Variants in CDH13 observed in about 807,000 individuals in gnomAD.
CDH13 encodes the protein cadherin 13, also known as cadherin-13.
A neutral mutation model predicts 63.8 loss-of-function variants in CDH13; 24 were observed. That is an observed-to-expected ratio of 0.38 (90% CI 0.27 to 0.53). CDH13 has a LOEUF of 0.53. Among genes scored for constraint, CDH13 ranks in the 20% least tolerant of loss-of-function variants. The probability of loss-of-function intolerance (pLI) is 0.85; values close to 1 mark genes in which losing one functional copy is unlikely to be tolerated. For synonymous variants in CDH13, 503 were observed against 355.3 expected (o/e 1.42, Z -4.67); for missense variants, 1,049 against 903.1 (o/e 1.16, Z -2.07).
chr16:82,724,877 G>T (rs1187262352), intron 1 of CDH13, among the ~76,000 whole-genome samples: 1 of 152,152 alleles, frequency 6.6e-6, no homozygotes, highest in African/African-American at 2.4e-5. Flanking sequence ...GGATGTCCTT[G>T]GCTGGGTCAG....
At chr16:82,651,975 A>G (rs1910771553) in intron 1 of CDH13, among the ~76,000 whole-genome samples, 1 of 152,230 alleles carries the variant, frequency 6.6e-6, no homozygotes. Context: ...TCCAATCAGA[A>G]CAAGTTGGAG....
At chr16:83,048,393 G>A (rs1252090137) in intron 3 of CDH13, among the ~76,000 whole-genome samples, 1 of 152,318 alleles carries the variant, frequency 6.6e-6, no homozygotes, top group East Asian at 1.9e-4. Context: ...CTTGGTTGAT[G>A]AGGTATTCAC....
intron 10 of CDH13, among the ~76,000 whole-genome samples, chr16:83,740,979 G>T (rs538591028): frequency 5.3e-5 from 8 of 152,188 alleles, no homozygotes; most frequent in African/African-American, 9.6e-5. Context: ...AAGTCAGGCA[G>T]GTCCAGATGG....
intron 6 of CDH13, among the ~76,000 whole-genome samples, chr16:83,437,319 A>G (rs2072335779): frequency 6.6e-6 from 1 of 152,192 alleles, no homozygotes; most frequent in Non-Finnish European, 1.5e-5. Context: ...AAATGAATTA[A>G]TATCCATAAA....
intron 6 of CDH13, among the ~76,000 whole-genome samples, chr16:83,401,511 CAAAAT>C (rs1387021926): frequency 6.6e-6 from 1 of 151,906 alleles, no homozygotes; most frequent in Non-Finnish European, 1.5e-5. Context: ...GACTCCGTCT[CAAAAT>C]AAAATAAAGT....
At chr16:83,159,878 C>A (rs1436481848) in intron 4 of CDH13, among the ~76,000 whole-genome samples, 1 of 152,054 alleles carries the variant, frequency 6.6e-6, no homozygotes, top group Non-Finnish European at 1.5e-5. Context: ...AGTTCAAGAC[C>A]AGCCTGGCCA....
At chr16:83,336,412 G>A (rs754446858) in intron 5 of CDH13, among the ~76,000 whole-genome samples, 3 of 152,096 alleles carry the variant, frequency 2.0e-5, no homozygotes, top group South Asian at 2.1e-4. Flanking sequence ...CAGAGATAAC[G>A]GCAGTGGCAG....
In CDH13 at chr16:83,435,085, C is replaced by G. The variant is rs117535994; in HGVS notation, c.782-51392C>G. Among the ~76,000 whole-genome samples, 1,396 of 151,368 alleles carry G rather than the reference C, an allele frequency of 9.2e-3. 2 individuals are homozygous for G. The highest frequency in any genetic ancestry group is 0.021 in the South Asian group (103 of 4,792). ...TCGAGAGAGTTTCGCTCCTGTTTTT[C>G]TCTCAGGCTGAAGTGCAACGGCACA... On this transcript the variant is annotated intron_variant, in intron 6 of 13. Transcript: ENST00000567109.
At chr16:83,724,361 G>T (rs996077409) in intron 10 of CDH13, among the ~76,000 whole-genome samples, 2 of 151,588 alleles carry the variant, frequency 1.3e-5, no homozygotes, top group African/African-American at 2.4e-5. Flanking sequence ...TGAATGCATG[G>T]GTGGGGGATG....
chr16:83,161,583 G>A (rs2037444906), intron 4 of CDH13, among the ~76,000 whole-genome samples: 1 of 151,962 alleles, frequency 6.6e-6, no homozygotes, highest in Admixed American at 6.6e-5. Flanking sequence ...TTTATGGTCT[G>A]CCACTCATCC....
At chr16:83,661,469 C>A (rs896574643) in intron 8 of CDH13, among the ~76,000 whole-genome samples, 3 of 145,028 alleles carry the variant, frequency 2.1e-5, no homozygotes, top group South Asian at 2.2e-4. Context: ...GGTGACAGAG[C>A]GAGACCCTGT....
At chr16:83,615,434 G>C (rs747467162) in intron 8 of CDH13, among the ~76,000 whole-genome samples, 4 of 152,112 alleles carry the variant, frequency 2.6e-5, no homozygotes. Flanking sequence ...CTTTGAAGCC[G>C]ATTAAATGTT....
rs7184749 is a variant in CDH13, at chr16:83,598,018, C to T, written c.961-4436C>T. Among the ~76,000 whole-genome samples, 1,054 of 152,250 alleles carry T rather than the reference C, an allele frequency of 6.9e-3. 8 individuals carry two copies. Among genetic ancestry groups the T allele is most frequent in the African/African-American group, 0.024 (991 of 41,546 alleles). ...ACTGTATCTCTAGTATCCAACACGA[C>T]ATTTAGACAAGAAGTTCATTAACTG... On this transcript the variant is annotated intron_variant, in intron 7 of 13. Coordinates refer to ENST00000567109, the MANE Select transcript of CDH13 (RefSeq NM_001257.5).
At chr16:83,150,189 T>A (rs1019509970) in intron 4 of CDH13, among the ~76,000 whole-genome samples, 2 of 152,232 alleles carry the variant, frequency 1.3e-5, no homozygotes, top group African/African-American at 2.4e-5. Context: ...TTTGTGTTGA[T>A]GCTTGCTCCC....
intron 5 of CDH13, among the ~76,000 whole-genome samples, chr16:83,323,373 T>A (rs993134270): frequency 6.6e-6 from 1 of 151,086 alleles, no homozygotes; most frequent in African/African-American, 2.4e-5. Context: ...ACCCGCCTCC[T>A]GGGTTCAAGT....
intron 6 of CDH13, among the ~76,000 whole-genome samples, chr16:83,383,744 T>G (rs2091616999): frequency 6.6e-6 from 1 of 152,208 alleles, no homozygotes. Context: ...CTGCTTACTT[T>G]CTTATACAAT....
intron 2 of CDH13, among the ~76,000 whole-genome samples, chr16:82,962,980 G>A (rs1907249534): frequency 6.6e-6 from 1 of 152,042 alleles, no homozygotes; most frequent in African/African-American, 2.4e-5. Context: ...TCTTCCTTTT[G>A]TAAAAGTTAT....
chr16:82,761,013 C>CT (rs2034818823), intron 1 of CDH13, among the ~76,000 whole-genome samples: 1 of 43,624 alleles, frequency 2.3e-5, no homozygotes, highest in Non-Finnish European at 5.3e-5. Flanking sequence ...ACATTTCTTT[C>CT]TTTCTTTTTT....
At chr16:82,838,922 G>A (rs1181157996) in intron 1 of CDH13, among the ~76,000 whole-genome samples, 1 of 152,236 alleles carries the variant, frequency 6.6e-6, no homozygotes. Context: ...CAAAGAGCCA[G>A]ATAATAAATT....
Sources: gnomAD v4.1 joint callset for allele counts (sites outside exome capture counted in the v4.1 genomes callset) on GRCh38, gnomAD v4.1.1 for gene constraint, MANE v1.5 for transcripts, NCBI Gene and HGNC (gene_info 2026-07-23, HGNC 2026-07-21) for gene names.